The following FANCA variants were observed in gnomAD, a reference collection of about 807,000 sequenced individuals.
FANCA encodes the protein FA complementation group A.
FANCA carries 236 observed loss-of-function variants against 194.3 expected under a neutral mutation model. That is an observed-to-expected ratio of 1.21 (90% CI 1.09 to 1.35). The LOEUF (loss-of-function observed/expected upper bound fraction) is 1.35. FANCA is among the 40% of genes most tolerant of loss of function. The probability of loss-of-function intolerance (pLI) is 0.00; values close to 1 mark genes in which losing one functional copy is unlikely to be tolerated. For missense variants in FANCA, 2,628 were observed against 1,813.9 expected (o/e 1.45, Z -8.15); for synonymous variants, 1,014 against 715.8 (o/e 1.42, Z -6.65).
In FANCA at chr16:89,771,673, C is replaced by T. The variant is rs750083188; in HGVS notation, c.2151+5G>A. 3.1e-6 allele frequency: 5 copies of T among 1,613,988 alleles called. No individual in the cohort carries two copies. In the South Asian group the frequency reaches 4.4e-5, roughly 14 times the overall value. Reference sequence around the variant, plus strand: ...CCCTGCTTTGTTCTGAGCCCCTACACCTACCATGTGTTCCCGTGGCTCCAG... The same window carrying T: ...CCCTGCTTTGTTCTGAGCCCCTACATCTACCATGTGTTCCCGTGGCTCCAG... On this transcript the variant is annotated splice_donor_5th_base_variant and intron_variant, in intron 23 of 42. Transcript: ENST00000389301.
At chr16:89,768,819 A>G (rs17226673) in intron 26 of FANCA, among the ~76,000 whole-genome samples, 2,059 of 152,222 alleles carry the variant, frequency 0.014, 40 homozygotes, top group South Asian at 0.1. Flanking sequence ...TGTTTCTAAG[A>G]GAGGATGGCC....
chr16:89,811,304 A>G (rs55648913), intron 3 of FANCA, among the ~76,000 whole-genome samples: 1 of 152,370 alleles, frequency 6.6e-6, no homozygotes, highest in East Asian at 1.9e-4. Flanking sequence ...ATACATTGGT[A>G]TTTGTTACGT....
intron 39 of FANCA, 39 bp from the exon 40 acceptor site, chr16:89,739,592 C>T (rs2062072855): frequency 1.9e-6 from 3 of 1,546,176 alleles, no homozygotes; most frequent in East Asian, 2.4e-5. Context: ...CTCTGGACAT[C>T]TCTGCCTATT....
chr16:89,797,229 G>A (rs1352051033), intron 10 of FANCA, among the ~76,000 whole-genome samples: 1 of 152,034 alleles, frequency 6.6e-6, no homozygotes, highest in Non-Finnish European at 1.5e-5. Flanking sequence ...TATGTGGGAG[G>A]CTGAGGCAGG....
intron 8 of FANCA, among the ~76,000 whole-genome samples, chr16:89,800,314 C>T (rs1271918667): frequency 2.0e-5 from 3 of 152,194 alleles, no homozygotes; most frequent in Admixed American, 2.0e-4. Flanking sequence ...TGTCCATTTC[C>T]CTTCTTCACA....
At position 89,737,604 on chromosome 16, in the gene FANCA, T is replaced by G; in HGVS notation, c.*997A>C. The G allele has an allele frequency of 1.0e-6, 1 of 968,680 alleles. No homozygotes were observed. Among genetic ancestry groups the G allele is most frequent in the Non-Finnish European group, 1.5e-6 (1 of 681,112 alleles). The allele number at this position is 968,680 out of a possible 1,614,324, so 60.0% of individuals were successfully genotyped here. A position where few individuals can be genotyped will look rare whatever the true frequency, so the allele number is the denominator to read the frequency against. On this transcript the variant is annotated 3_prime_UTR_variant, in exon 43 of 43. Transcript: ENST00000389301. ...AAAACCATCCTGAAATGCACACAGCTGATGAAGCCACGTGACAGTGTATAA... is the reference window on the plus strand; with the variant it reads ...AAAACCATCCTGAAATGCACACAGCGGATGAAGCCACGTGACAGTGTATAA...
Position 89,805,325 on chromosome 16 carries a change from C to T in FANCA, c.664G>A (p.Glu222Lys), listed in dbSNP as rs2040599267. ...RNLCCLCEQMEASCQHADVAR... is the reference protein window; with the variant it reads ...RNLCCLCEQMKASCQHADVAR... ...ACGTCAGCATGCTGGCAGGATGCTTCCATCTGTTCACAAAGGCAGCACAGA... is the reference window on the plus strand; with the variant it reads ...ACGTCAGCATGCTGGCAGGATGCTTTCATCTGTTCACAAAGGCAGCACAGA... The change falls in exon 7 of 43, where the codon GAA (glutamate) becomes AAA (lysine). Residue 222 changes from glutamate to lysine, a missense_variant. Physicochemically the swap from Glu to Lys is moderately conservative, Grantham distance 56. Transcript: ENST00000389301. 6.2e-7 allele frequency: 1 copy of T among 1,614,100 alleles called. No individual in the cohort carries two copies. The highest frequency in any genetic ancestry group is 2.2e-5 in the East Asian group (1 of 44,884).
At chr16:89,788,880 T>C (rs1309459725) in intron 14 of FANCA, among the ~76,000 whole-genome samples, 1 of 152,210 alleles carries the variant, frequency 6.6e-6, no homozygotes, top group East Asian at 1.9e-4. Flanking sequence ...ATTTAAACTA[T>C]ATTTTGATAA....
chr16:89,771,580 G>A lies in FANCA; in HGVS notation c.2151+98C>T, dbSNP rs17232994. The stretch of plus-strand genomic sequence containing the variant: ...ATCTGATACGACACTAACTGAGCAA[G>A]TCAAACAGAAATTGAGAGAAGGCTC... On this transcript the variant is annotated intron_variant, in intron 23 of 42. Coordinates refer to ENST00000389301, the MANE Select transcript of FANCA (RefSeq NM_000135.4). 428 of 1,431,396 alleles carry A rather than the reference G, an allele frequency of 3.0e-4. 1 individual carries two copies. The African/African-American group carries it at 5.5e-3, about 19-fold the overall frequency. The allele number at this position is 1,431,396 out of a possible 1,614,324, so 88.7% of individuals were successfully genotyped here.
intron 17 of FANCA, among the ~76,000 whole-genome samples, chr16:89,781,364 A>T (rs1567627444): frequency 1.9e-5 from 1 of 52,876 alleles, no homozygotes; most frequent in East Asian, 2.1e-3. Context: ...ACTCCATTCC[A>T]AAAAAAAAAA....
At chr16:89,792,585 G>T (rs755004511) in intron 11 of FANCA, 38 bp from the exon 12 acceptor site, 1 of 1,585,194 alleles carries the variant, frequency 6.3e-7, no homozygotes, top group Non-Finnish European at 8.6e-7. Flanking sequence ...TCAAGTCAGA[G>T]ATCAAAAAGT....
chr16:89,774,755 T>C (rs1227170176), intron 21 of FANCA, among the ~76,000 whole-genome samples: 21 of 23,508 alleles, frequency 8.9e-4, no homozygotes, highest in South Asian at 2.7e-3. Context: ...AAAAAAAAAA[T>C]CTCAACGAGC....
intron 42 of FANCA, 82 bp from the exon 43 acceptor site, chr16:89,738,790 G>C (rs753048298): frequency 6.8e-6 from 11 of 1,612,974 alleles, no homozygotes; most frequent in African/African-American, 1.3e-5. Context: ...AGAAATAGTC[G>C]AGTTGTATTG....
At chr16:89,768,674 CAA>C (rs2039213644) in intron 26 of FANCA, among the ~76,000 whole-genome samples, 1 of 150,088 alleles carries the variant, frequency 6.7e-6, no homozygotes, top group South Asian at 2.1e-4. Context: ...AACCAAAAAC[CAA>C]AAAACAAAAA....
chr16:89,798,880 G>C, intron 10 of FANCA: 8 of 1,570,310 alleles, frequency 5.1e-6, no homozygotes, highest in Non-Finnish European at 6.9e-6. Flanking sequence ...CACAGGAGGA[G>C]GTCACAGTGA....
intron 28 of FANCA, chr16:89,762,726 G>A (rs549557454): frequency 4.4e-6 from 2 of 450,494 alleles, no homozygotes; most frequent in South Asian, 3.1e-5. Flanking sequence ...TCTGCCTCCT[G>A]AACTCCAGAA....
chr16:89,769,552 C>G (rs543955809), intron 26 of FANCA, among the ~76,000 whole-genome samples: 1 of 152,330 alleles, frequency 6.6e-6, no homozygotes, highest in South Asian at 2.1e-4. Context: ...AAGCAGCTCT[C>G]ACCAGGACAT....
rs370080063 is a variant in FANCA, at chr16:89,739,129, C to T, written c.4167+4G>A. The T allele has an allele frequency of 6.8e-6, 11 of 1,614,040 alleles. No individual in the cohort carries two copies. The highest frequency in any genetic ancestry group is 3.3e-4 in the Middle Eastern group (2 of 6,084). On this transcript the variant is annotated splice_donor_region_variant and intron_variant, in intron 41 of 42. Transcript: ENST00000389301. Reference sequence around the variant, plus strand: ...CTGGAGGTGGGACTGGCCCTTGCACCTGCCTGACCCTTGAGCTCCAGGCTC... The same window carrying T: ...CTGGAGGTGGGACTGGCCCTTGCACTTGCCTGACCCTTGAGCTCCAGGCTC...
At chr16:89,791,242 C>G in intron 14 of FANCA, 161 bp downstream of exon 14, 1 of 940,400 alleles carries the variant, frequency 1.1e-6, no homozygotes, top group Non-Finnish European at 1.6e-6. Flanking sequence ...AACCCAGGCT[C>G]CTCGGCACAC....
Sources: gnomAD v4.1 joint callset for allele counts (sites outside exome capture counted in the v4.1 genomes callset) on GRCh38, gnomAD v4.1.1 for gene constraint, MANE v1.5 for transcripts, NCBI Gene and HGNC (gene_info 2026-07-23, HGNC 2026-07-21) for gene names.